Variants in PREX1 observed in about 807,000 individuals in gnomAD.
PREX1 encodes the protein phosphatidylinositol-3,4,5-trisphosphate dependent Rac exchange factor 1.
PREX1 carries 41 observed loss-of-function variants against 198.3 expected under a neutral mutation model. The observed-to-expected ratio is 0.21, with a 90% CI of 0.16 to 0.27. PREX1 has a LOEUF of 0.27. Among genes scored for constraint, PREX1 ranks in the 10% least tolerant of loss-of-function variants. PREX1 has a pLI of 1.00. For synonymous variants in PREX1, 843 were observed against 887.2 expected (o/e 0.95, Z 0.89); for missense variants, 1,620 against 2,200.7 (o/e 0.74, Z 5.28).
chr20:48,676,320 G>A (rs545600437), intron 13 of PREX1, 52 bp from the exon 14 acceptor site: 14 of 1,558,392 alleles, frequency 9.0e-6, no homozygotes, highest in Non-Finnish European at 1.1e-5. Flanking sequence ...GAGGACAGAG[G>A]TGGGGGTGGT....
chr20:48,736,909 T>C (rs574418276), intron 3 of PREX1, among the ~76,000 whole-genome samples: 3 of 152,194 alleles, frequency 2.0e-5, no homozygotes, highest in South Asian at 4.1e-4. Flanking sequence ...CCAGACCATC[T>C]AGGTTCATAG....
intron 1 of PREX1, among the ~76,000 whole-genome samples, chr20:48,764,897 A>G (rs557565226): frequency 6.6e-6 from 1 of 152,188 alleles, no homozygotes; most frequent in East Asian, 1.9e-4. Flanking sequence ...GGACGAGGCC[A>G]CAAGCCAAGG....
At chr20:48,636,402 C>T (rs539249025) in intron 32 of PREX1, 61 bp downstream of exon 32, 23 of 1,501,970 alleles carry the variant, frequency 1.5e-5, no homozygotes, top group Admixed American at 6.1e-5. Flanking sequence ...TCCCTCGACC[C>T]GGCCTGGGCG....
chr20:48,624,308 G>T lies in PREX1; in HGVS notation c.*1577C>A, dbSNP rs544082485. The T allele has an allele frequency of 3.3e-5, 5 of 152,394 alleles. No homozygotes were observed. The highest frequency in any genetic ancestry group is 7.4e-5 in the Non-Finnish European group (5 of 68,022). 9.4% of individuals were successfully genotyped at this position (152,394 alleles called of 1,614,324 possible). On this transcript the variant is annotated 3_prime_UTR_variant, in exon 40 of 40. Transcript: ENST00000371941. ...AAAAAATCTATCAAGAATTTAACGA[G>T]AAGAATCTGTACATTTTAAAGTAAA...
chr20:48,729,589 T>C (rs1257820260), intron 4 of PREX1, among the ~76,000 whole-genome samples: 1 of 152,180 alleles, frequency 6.6e-6, no homozygotes, highest in East Asian at 1.9e-4. Context: ...AACTCCATTC[T>C]TCCAGTTGCT....
intron 5 of PREX1, among the ~76,000 whole-genome samples, chr20:48,719,333 T>C (rs1719277276): frequency 6.6e-6 from 1 of 151,822 alleles, no homozygotes; most frequent in South Asian, 2.1e-4. Flanking sequence ...ACAAGGGGTG[T>C]CCCGAGGTTA....
chr20:48,825,272 G>T (rs909747685), intron 1 of PREX1, among the ~76,000 whole-genome samples: 1 of 152,158 alleles, frequency 6.6e-6, no homozygotes, highest in African/African-American at 2.4e-5. Context: ...GCACCAGCTT[G>T]GGGACACACA....
At chr20:48,762,952 C>T (rs1337367530) in intron 1 of PREX1, among the ~76,000 whole-genome samples, 6 of 152,220 alleles carry the variant, frequency 3.9e-5, no homozygotes, top group Non-Finnish European at 7.3e-5. Flanking sequence ...ATGCACCTGC[C>T]TTGGCCTCCC....
intron 1 of PREX1, among the ~76,000 whole-genome samples, chr20:48,815,721 C>T (rs745358807): frequency 3.9e-5 from 6 of 151,952 alleles, no homozygotes; most frequent in Admixed American, 6.6e-5. Flanking sequence ...GATGCTGGGG[C>T]GGCCGGGCAC....
intron 15 of PREX1, among the ~76,000 whole-genome samples, chr20:48,663,459 G>A (rs558836810): frequency 5.9e-5 from 9 of 151,600 alleles, no homozygotes; most frequent in East Asian, 3.9e-4. Flanking sequence ...CCTGGGAGGC[G>A]GAGGTTGTGG....
chr20:48,729,880 G>A (rs988818622), intron 4 of PREX1, among the ~76,000 whole-genome samples: 13 of 152,178 alleles, frequency 8.5e-5, no homozygotes, highest in African/African-American at 3.1e-4. Context: ...ATGGTAATTA[G>A]TTAAAATAAG....
At chr20:48,742,144 C>T (rs1048387913) in intron 3 of PREX1, among the ~76,000 whole-genome samples, 2 of 152,116 alleles carry the variant, frequency 1.3e-5, no homozygotes, top group Non-Finnish European at 2.9e-5. Flanking sequence ...GCTGGAAGGA[C>T]GGGAGCCCTG....
At position 48,692,797 on chromosome 20, in the gene PREX1, G is replaced by C; in HGVS notation, c.918-7C>G. 6.2e-7 allele frequency: 1 copy of C among 1,610,880 alleles called. No homozygotes were observed. The highest frequency in any genetic ancestry group is 2.2e-5 in the East Asian group (1 of 44,854). ...CTTCTTGCTCCCGGTGACCCTGATA[G>C]ACAGTGAGAAGTCAGTGTCCCCTAC... On this transcript the variant is annotated splice_polypyrimidine_tract_variant and splice_region_variant and intron_variant, in intron 7 of 39. Coordinates refer to ENST00000371941, the MANE Select transcript of PREX1 (RefSeq NM_020820.4).
chr20:48,776,686 C>A lies in PREX1; in HGVS notation c.220-28806G>T, dbSNP rs541196440. ...TAGTGTCCAGTCACTGAGGTATTTG[C>A]TCCCATGGCCACTCAGTCTCCTCTC... On this transcript the variant is annotated intron_variant, in intron 1 of 39. Transcript: ENST00000371941. 2.0e-5 allele frequency among the ~76,000 whole-genome samples: 3 copies of A among 152,322 alleles called. 1 individual carries two copies. The highest frequency in any genetic ancestry group is 7.2e-5 in the African/African-American group (3 of 41,570).
intron 1 of PREX1, among the ~76,000 whole-genome samples, chr20:48,751,913 C>G (rs1226699774): frequency 1.3e-5 from 2 of 152,118 alleles, no homozygotes; most frequent in Non-Finnish European, 2.9e-5. Flanking sequence ...CCAGCTTTGG[C>G]AAATCTTAAT....
chr20:48,779,698 A>G (rs970361400), intron 1 of PREX1, among the ~76,000 whole-genome samples: 1 of 152,262 alleles, frequency 6.6e-6, no homozygotes, highest in Non-Finnish European at 1.5e-5. Flanking sequence ...ACACACAACA[A>G]TGCAGATGAA....
chr20:48,845,117 G>A, the PREX1 span, among the ~76,000 whole-genome samples: 134 of 152,172 alleles, frequency 8.8e-4, 1 homozygote, highest in African/African-American at 3.0e-3. Context: ...TTCATGTAAC[G>A]AACTCTCATT....
At position 48,691,212 on chromosome 20, in the gene PREX1, G is replaced by C; in HGVS notation, c.1037-116C>G. 1 of 1,328,534 alleles carries C rather than the reference G, an allele frequency of 7.5e-7. No individual in the cohort carries two copies. The highest frequency in any genetic ancestry group is 1.9e-5 in the Admixed American group (1 of 52,342). 82.3% of individuals were successfully genotyped at this position (1,328,534 alleles called of 1,614,324 possible). A position where few individuals can be genotyped will look rare whatever the true frequency, so the allele number is the denominator to read the frequency against. ...GCAGGGCCCTCGCCTGGATCAGGAT[G>C]GGGAGCTGGACTTCCAGCCCTTCAA... On this transcript the variant is annotated intron_variant, in intron 8 of 39. Transcript: ENST00000371941. This position sits in a 1 kb window ranked among gnomAD's most constrained non-coding sequence, Gnocchi z 5.0.
At chr20:48,773,498 ATT>A (rs1287006207) in intron 1 of PREX1, among the ~76,000 whole-genome samples, 1 of 152,092 alleles carries the variant, frequency 6.6e-6, no homozygotes, top group Non-Finnish European at 1.5e-5. Flanking sequence ...CTGGGACCTC[ATT>A]CATTCATTCA....
Sources: allele counts gnomAD v4.1 joint callset (sites outside exome capture counted in the v4.1 genomes callset), GRCh38; gene constraint gnomAD v4.1.1; non-coding constraint Gnocchi (gnomAD v3.1); transcripts MANE v1.5; gene names NCBI Gene and HGNC (gene_info 2026-07-23, HGNC 2026-07-21).